Variants in CNGB1 observed in about 807,000 individuals in gnomAD.
CNGB1 encodes the protein cyclic nucleotide gated channel subunit beta 1, also known as cyclic nucleotide-gated channel beta-1.
A neutral mutation model predicts 151.7 loss-of-function variants in CNGB1; 126 were observed. The observed-to-expected ratio is 0.83, with a 90% CI of 0.72 to 0.96. CNGB1 has a LOEUF of 0.96. Among genes scored for constraint, CNGB1 ranks in the 40% least tolerant of loss-of-function variants. The pLI, the probability that CNGB1 is intolerant of heterozygous loss-of-function variation, is 0.00. For synonymous variants in CNGB1, 623 were observed against 635.1 expected (o/e 0.98, Z 0.29); for missense variants, 1,698 against 1,627.0 (o/e 1.04, Z -0.75).
chr16:57,884,230 G>GC lies in CNGB1; in HGVS notation c.3689dup (p.Glu1232GlyfsTer61). ...ACAGGATCTGCTCTCCCGGCTCCGG[G>GC]CCCGGGCTCATGCAGATCCTCACCG... On this transcript the variant is annotated frameshift_variant, in exon 33 of 33. Coordinates refer to ENST00000251102, the MANE Select transcript of CNGB1 (RefSeq NM_001297.5). LOFTEE classifies it low-confidence loss of function (END_TRUNC). 1 of 1,613,918 alleles carries GC rather than the reference G, an allele frequency of 6.2e-7. No individual in the cohort carries two copies. The highest frequency in any genetic ancestry group is 8.5e-7 in the Non-Finnish European group (1 of 1,179,918).
chr16:57,910,844 A>C (rs904574194), intron 25 of CNGB1, among the ~76,000 whole-genome samples: 3 of 152,082 alleles, frequency 2.0e-5, no homozygotes, highest in Non-Finnish European at 2.9e-5. Flanking sequence ...AGCAAGCTGC[A>C]CCCCAACCAC....
Position 57,942,572 on chromosome 16 carries a change from C to G in CNGB1, c.1122-2251G>C, listed in dbSNP as rs541529750. ...AACTATAAAACATCGACGAAAGAAA[C>G]TCAAGAAGATGGCTGGATGTGGTGG... On this transcript the variant is annotated intron_variant, in intron 14 of 32. Coordinates refer to ENST00000251102, the MANE Select transcript of CNGB1 (RefSeq NM_001297.5). Among the ~76,000 whole-genome samples, 5 of 152,208 alleles carry G rather than the reference C, an allele frequency of 3.3e-5. No individual in the cohort carries two copies. In the South Asian group the frequency reaches 1.0e-3, roughly 32 times the overall value.
At chr16:57,886,103 C>T (rs1366807272) in intron 32 of CNGB1, among the ~76,000 whole-genome samples, 1 of 152,130 alleles carries the variant, frequency 6.6e-6, no homozygotes, top group African/African-American at 2.4e-5. Context: ...CTCAGTAATC[C>T]AAGTCTCGGA....
chr16:57,903,714 A>G, intron 27 of CNGB1, 108 bp downstream of exon 27: 3 of 1,309,414 alleles, frequency 2.3e-6, no homozygotes, highest in Middle Eastern at 2.5e-4. Context: ...AGTACTCGGG[A>G]CCTCAGAGAC....
intron 31 of CNGB1, among the ~76,000 whole-genome samples, chr16:57,894,511 G>C (rs1278037154): frequency 1.3e-5 from 2 of 151,864 alleles, no homozygotes; most frequent in African/African-American, 4.9e-5. Context: ...TGAGGCAGGA[G>C]AATCACCTGA....
In CNGB1 at chr16:57,939,398, G is replaced by C. The variant is rs772325721; in HGVS notation, c.1372+32C>G. 57 of 1,613,642 alleles carry C rather than the reference G, an allele frequency of 3.5e-5. No homozygotes were observed. The South Asian group carries it at 6.1e-4, about 17-fold the overall frequency. ...GCCTAAAAGGACCTCAGACATTCTT[G>C]CGCAACCCATCACCACCACCACCAC... On this transcript the variant is annotated intron_variant, in intron 16 of 32. Transcript: ENST00000251102.
chr16:57,890,150 A>G (rs1960047663), intron 31 of CNGB1, among the ~76,000 whole-genome samples: 1 of 152,248 alleles, frequency 6.6e-6, no homozygotes, highest in Admixed American at 6.5e-5. Context: ...GCGGGCCTAG[A>G]CAATGAATTG....
At chr16:57,952,808 C>T (rs193220062) in intron 12 of CNGB1, among the ~76,000 whole-genome samples, 4 of 152,228 alleles carry the variant, frequency 2.6e-5, no homozygotes, top group Admixed American at 2.0e-4. Context: ...GCCTCATTTC[C>T]TCTTTCCATC....
At chr16:57,918,353 T>A (rs1459247237) in intron 20 of CNGB1, among the ~76,000 whole-genome samples, 2 of 152,072 alleles carry the variant, frequency 1.3e-5, no homozygotes, top group Admixed American at 1.3e-4. Flanking sequence ...AGAAAGTCCC[T>A]CTCTGGCACC....
In CNGB1 at chr16:57,960,074, C is replaced by CG; in HGVS notation, c.584-10dup. On this transcript the variant is annotated splice_polypyrimidine_tract_variant and intron_variant, in intron 9 of 32. Transcript: ENST00000251102. ...GGGGCGTCCTGGAGGCGCTAAGCAG[C>CG]GGGGAAAGCAGGAGCTAGAGACGCC... 6.5e-7 allele frequency: 1 copy of CG among 1,546,118 alleles called. No homozygotes were observed. The highest frequency in any genetic ancestry group is 1.2e-5 in the South Asian group (1 of 84,640).
chr16:57,931,774 G>A lies in CNGB1; in HGVS notation c.1477C>T (p.Pro493Ser). ...AGGGTGTCTGATTTGGCAGGAGACGGTGGCGGCAACACGGTTGAGGGTGGA... is the reference window on the plus strand; with the variant it reads ...AGGGTGTCTGATTTGGCAGGAGACGATGGCGGCAACACGGTTGAGGGTGGA... ...ENPPSTVLPP[P>S]SPAKSDTLIV... The change falls in exon 17 of 33, where the codon CCG becomes TCG. Residue 493 changes from proline (P) to serine (S), a missense_variant. Pro to Ser is a moderately conservative substitution (Grantham distance 74). Coordinates refer to ENST00000251102, the MANE Select transcript of CNGB1 (RefSeq NM_001297.5). 1 of 1,614,208 alleles carries A rather than the reference G, an allele frequency of 6.2e-7. No individual in the cohort carries two copies. Among genetic ancestry groups the A allele is most frequent in the South Asian group, 1.1e-5 (1 of 91,080 alleles).
At chr16:57,897,260 C>T (rs1960253170) in intron 31 of CNGB1, 137 bp downstream of exon 31, 2 of 898,280 alleles carry the variant, frequency 2.2e-6, no homozygotes, top group East Asian at 2.7e-5. Context: ...CATGATCACT[C>T]CACTGCACTC....
intron 10 of CNGB1, among the ~76,000 whole-genome samples, chr16:57,958,687 T>C (rs1036051957): frequency 2.6e-5 from 4 of 152,020 alleles, no homozygotes; most frequent in Non-Finnish European, 5.9e-5. Flanking sequence ...GTTCAGGCCC[T>C]AGCAGGTAGC....
intron 14 of CNGB1, among the ~76,000 whole-genome samples, chr16:57,944,808 G>A (rs1386906124): frequency 6.6e-6 from 1 of 151,752 alleles, no homozygotes; most frequent in Admixed American, 6.6e-5. Flanking sequence ...ACAAAAATTA[G>A]CCAGGCACAG....
At chr16:57,918,192 C>A (rs1960931397) in intron 20 of CNGB1, among the ~76,000 whole-genome samples, 1 of 151,790 alleles carries the variant, frequency 6.6e-6, no homozygotes, top group South Asian at 2.1e-4. Flanking sequence ...CCAGGCTGAT[C>A]TTGAACTCCT....
intron 25 of CNGB1, 31 bp from the exon 26 acceptor site, chr16:57,904,906 C>T (rs1194027196): frequency 3.7e-6 from 6 of 1,613,812 alleles, no homozygotes; most frequent in Non-Finnish European, 5.1e-6. Flanking sequence ...GAACATGGGT[C>T]ATCACAGGCC....
intron 17 of CNGB1, among the ~76,000 whole-genome samples, chr16:57,929,277 C>A (rs60305907): frequency 0.022 from 3,295 of 152,200 alleles, 112 homozygotes; most frequent in African/African-American, 0.075. Flanking sequence ...GTGTATTAGT[C>A]CATTTTCACA....
intron 18 of CNGB1, chr16:57,923,002 A>T (rs1005566296): frequency 1.6e-5 from 6 of 364,570 alleles, no homozygotes; most frequent in African/African-American, 1.0e-4. Context: ...TCTCCTTCAC[A>T]AGGGGACCTC....
chr16:57,964,267 G>T, intron 3 of CNGB1, 65 bp from the exon 4 acceptor site: 1 of 1,554,166 alleles, frequency 6.4e-7, no homozygotes, highest in Admixed American at 1.7e-5. Flanking sequence ...ACCCTGCTTG[G>T]GGAGATCAAG....
Sources: gnomAD v4.1 joint callset for allele counts (sites outside exome capture counted in the v4.1 genomes callset) on GRCh38, gnomAD v4.1.1 for gene constraint, MANE v1.5 for transcripts, NCBI Gene and HGNC (gene_info 2026-07-23, HGNC 2026-07-21) for gene names.